The following COL11A2 variants were observed in gnomAD, a reference collection of about 807,000 sequenced individuals.
COL11A2 encodes collagen alpha-2(XI) chain.
COL11A2 carries 116 observed loss-of-function variants against 273.4 expected under a neutral mutation model. The ratio of observed to expected loss-of-function variants is 0.42; its 90% CI spans 0.36 to 0.49. The LOEUF is 0.49. COL11A2 is among the 20% of genes least tolerant of loss of function. The probability of loss-of-function intolerance (pLI) is 0.00; values close to 1 mark genes in which losing one functional copy is unlikely to be tolerated. For missense variants in COL11A2, 1,866 were observed against 2,309.0 expected (o/e 0.81, Z 3.93); for synonymous variants, 782 against 864.2 (o/e 0.90, Z 1.67).
Position 33,163,529 on chromosome 6 carries a change from C to T in COL11A2, c.*149G>A, listed in dbSNP as rs375885398. 8.4e-4 allele frequency: 1,062 copies of T among 1,267,140 alleles called. 10 individuals carry two copies. In the African/African-American group the frequency reaches 0.015, roughly 17 times the overall value. The allele number at this position is 1,267,140 out of a possible 1,614,324, so 78.5% of individuals were successfully genotyped here. On this transcript the variant is annotated 3_prime_UTR_variant, in exon 66 of 66. Transcript: ENST00000341947. The surrounding 1 kb of genome is among the most constrained non-coding windows in gnomAD (Gnocchi z 4.1). ...TGTCCAGGCAACCACTTCACCCCTC[C>T]CCTGGCCTGCCCCGACTGAGGGCTC...
In COL11A2 at chr6:33,178,791, C is replaced by T; in HGVS notation, c.1666-59G>A. On this transcript the variant is annotated intron_variant, in intron 17 of 65. Coordinates refer to ENST00000341947, the MANE Select transcript of COL11A2 (RefSeq NM_080680.3). This position sits in a 1 kb window ranked among gnomAD's most constrained non-coding sequence, Gnocchi z 4.6. The stretch of plus-strand genomic sequence containing the variant: ...CGACCCTGTCCAAGCCCACCCCTCC[C>T]TACTGCACCCTGAGCTGGGGGGGTG... 6.2e-7 allele frequency: 1 copy of T among 1,607,694 alleles called. No individual in the cohort carries two copies. The highest frequency in any genetic ancestry group is 8.5e-7 in the Non-Finnish European group (1 of 1,175,274).
Position 33,166,773 on chromosome 6 carries a change from C to T in COL11A2, c.4285G>A (p.Gly1429Arg). Residue 1429 changes from glycine to arginine, a missense_variant, in exon 59 of 66, where the codon GGA becomes AGA. Coordinates refer to ENST00000341947, the MANE Select transcript of COL11A2 (RefSeq NM_080680.3). The surrounding 1 kb of genome is among the most constrained non-coding windows in gnomAD (Gnocchi z 4.8). ...TGAGGCCCAGGAAGTCCCCGATCTCCCTTCTCTCCCTGCTCACCCGGGGGC... is the reference window on the plus strand; with the variant it reads ...TGAGGCCCAGGAAGTCCCCGATCTCTCTTCTCTCCCTGCTCACCCGGGGGC... Reference protein sequence around the residue: ...IGPPGEQGEKGDRGLPGPQGS... With the variant: ...IGPPGEQGEKRDRGLPGPQGS... The T allele has an allele frequency of 6.2e-7, 1 of 1,613,496 alleles. No individual in the cohort carries two copies. Among genetic ancestry groups the T allele is most frequent in the Non-Finnish European group, 8.5e-7 (1 of 1,180,028 alleles).
chr6:33,163,517 A>T lies in COL11A2; in HGVS notation c.*161T>A. 1 of 1,090,638 alleles carries T rather than the reference A, an allele frequency of 9.2e-7. No homozygotes were observed. The allele number at this position is 1,090,638 out of a possible 1,614,324, so 67.6% of individuals were successfully genotyped here. A position where few individuals can be genotyped will look rare whatever the true frequency, so the allele number is the denominator to read the frequency against. On this transcript the variant is annotated 3_prime_UTR_variant, in exon 66 of 66. Transcript: ENST00000341947. This position sits in a 1 kb window ranked among gnomAD's most constrained non-coding sequence, Gnocchi z 4.1. ...CCTCCCGTGGGGTGTCCAGGCAACC[A>T]CTTCACCCCTCCCCTGGCCTGCCCC... is the stretch of plus-strand genomic sequence containing the variant.
Position 33,189,029 on chromosome 6 carries a change from G to C in COL11A2, c.392C>G (p.Pro131Arg), listed in dbSNP as rs1251720059. The change falls in exon 3 of 66, where the codon CCT (proline) becomes CGT (arginine). Residue 131 changes from proline (P) to arginine (R), a missense_variant. Transcript: ENST00000341947. The surrounding 1 kb of genome is among the most constrained non-coding windows in gnomAD (Gnocchi z 5.6). ...RFLYEDQTGRPQPPSQPVFRG... is the reference protein window; with the variant it reads ...RFLYEDQTGRRQPPSQPVFRG... ...GAAGACTGGCTGAGAGGGAGGTTGA[G>C]GCCGCCCAGTCTGGTCTTCATACAG... The C allele has an allele frequency of 2.5e-6, 4 of 1,614,210 alleles. No individual in the cohort carries two copies. The highest frequency in any genetic ancestry group is 1.3e-5 in the African/African-American group (1 of 75,034).
intron 11 of COL11A2, 138 bp from the exon 12 acceptor site, chr6:33,180,470 G>T (rs1314870784): frequency 2.1e-6 from 2 of 931,848 alleles, no homozygotes; most frequent in Non-Finnish European, 3.3e-6. Context: ...ACCCCCATGG[G>T]GAAAATTGAG....
Position 33,173,475 on chromosome 6 carries a change from GT to G in COL11A2, c.2682+26del. ...GGGAAGAAGGACTCAGAGAAGCGAG[GT>G]GGGTCAGAGCTCGGGGTCAACTTAC... On this transcript the variant is annotated intron_variant, in intron 36 of 65. Coordinates refer to ENST00000341947, the MANE Select transcript of COL11A2 (RefSeq NM_080680.3). This position sits in a 1 kb window ranked among gnomAD's most constrained non-coding sequence, Gnocchi z 6.3. The G allele has an allele frequency of 6.2e-7, 1 of 1,612,264 alleles. No homozygotes were observed. The highest frequency in any genetic ancestry group is 8.5e-7 in the Non-Finnish European group (1 of 1,179,252).
chr6:33,179,007 G>A lies in COL11A2; in HGVS notation c.1612-34C>T. 6.2e-7 allele frequency: 1 copy of A among 1,614,078 alleles called. No individual in the cohort carries two copies. Among genetic ancestry groups the A allele is most frequent in the Non-Finnish European group, 8.5e-7 (1 of 1,179,972 alleles). The stretch of plus-strand genomic sequence containing the variant: ...ACAAGGGAAGTGTCAGAACAAGCAG[G>A]GCCGCAGTCCCCTACCCTGCAGGCC... On this transcript the variant is annotated intron_variant, in intron 16 of 65. Coordinates refer to ENST00000341947, the MANE Select transcript of COL11A2 (RefSeq NM_080680.3). The surrounding 1 kb of genome is among the most constrained non-coding windows in gnomAD (Gnocchi z 6.4).
rs1583312629 is a variant in COL11A2 at position 33,171,716 on chromosome 6, G to A, written c.3147C>T (p.Val1049=). 1 of 1,612,764 alleles carries A rather than the reference G, an allele frequency of 6.2e-7. No homozygotes were observed. The highest frequency in any genetic ancestry group is 8.5e-7 in the Non-Finnish European group (1 of 1,179,890). ...TCCCCAATACCCCCACACTCACTGG[G>A]ACACCTTTCTCTCCTGCTGCTCCAG... ...GPPGAAGEKG[V]PGEKGPIGPT... Residue 1049 remains valine (V), a synonymous_variant, in exon 42 of 66, where the codon GTC becomes GTT. Coordinates refer to ENST00000341947, the MANE Select transcript of COL11A2 (RefSeq NM_080680.3).
chr6:33,169,545 G>A lies in COL11A2; in HGVS notation c.3691-55C>T. The A allele has an allele frequency of 6.5e-7, 1 of 1,537,720 alleles. No individual in the cohort carries two copies. Among genetic ancestry groups the A allele is most frequent in the Non-Finnish European group, 9.0e-7 (1 of 1,114,680 alleles). On this transcript the variant is annotated intron_variant, in intron 50 of 65. Coordinates refer to ENST00000341947, the MANE Select transcript of COL11A2 (RefSeq NM_080680.3). This position sits in a 1 kb window ranked among gnomAD's most constrained non-coding sequence, Gnocchi z 5.5. ...CCAGGGAATCTTGAAGATCAGGGATGCAGCCTCTGCTTCCGAGACACCTTC... is the reference window on the plus strand; with the variant it reads ...CCAGGGAATCTTGAAGATCAGGGATACAGCCTCTGCTTCCGAGACACCTTC...
upstream of COL11A2, among the ~76,000 whole-genome samples, chr6:33,193,412 G>A: frequency 9.8e-6 from 1 of 102,076 alleles, no homozygotes; most frequent in African/African-American, 3.9e-5. Flanking sequence ...CCCCAGCCTG[G>A]CACACCCTCT....
rs529200957 is a variant in COL11A2 at position 33,172,231 on chromosome 6, GT to G, written c.2988+57del. On this transcript the variant is annotated intron_variant, in intron 40 of 65. Transcript: ENST00000341947. Reference sequence around the variant, plus strand: ...GGAGGGGGTCAGGGACAGGGTCGGGGTGGGGACTCAGGATGCTTGGTGCTTG... The same window carrying G: ...GGAGGGGGTCAGGGACAGGGTCGGGGGGGGACTCAGGATGCTTGGTGCTTG... The G allele has an allele frequency of 5.1e-3, 7,617 of 1,497,830 alleles. 50 individuals are homozygous for G. Among genetic ancestry groups the G allele is most frequent in the Middle Eastern group, 0.022 (126 of 5,680 alleles). The allele number at this position is 1,497,830 out of a possible 1,614,324, so 92.8% of individuals were successfully genotyped here.
At position 33,165,106 on chromosome 6, in the gene COL11A2, A is replaced by T. The variant is rs1048877927; in HGVS notation, c.4751-142T>A. 7 of 679,682 alleles carry T rather than the reference A, an allele frequency of 1.0e-5. No homozygotes were observed. In the African/African-American group the frequency reaches 1.1e-4, roughly 10 times the overall value. The allele number at this position is 679,682 out of a possible 1,614,324, so 42.1% of individuals were successfully genotyped here. ...GTCCTCCTCCCTCCCAGAGCCCTAG[A>T]ATCTAGCCCTACTGCTGGATTCTAC... On this transcript the variant is annotated intron_variant, in intron 63 of 65. Coordinates refer to ENST00000341947, the MANE Select transcript of COL11A2 (RefSeq NM_080680.3). This position sits in a 1 kb window ranked among gnomAD's most constrained non-coding sequence, Gnocchi z 7.7.
At position 33,173,058 on chromosome 6, in the gene COL11A2, A is replaced by G; in HGVS notation, c.2790+2T>C. On this transcript the variant is annotated splice_donor_variant, in intron 38 of 65. Coordinates refer to ENST00000341947, the MANE Select transcript of COL11A2 (RefSeq NM_080680.3). LOFTEE classifies it high-confidence loss of function. This position sits in a 1 kb window ranked among gnomAD's most constrained non-coding sequence, Gnocchi z 6.3. ...TCCATTCTCTCCTAGGGACAAACCT[A>G]CCTGAGGTCCCACCACTCCTGGAGG... The G allele has an allele frequency of 6.2e-7, 1 of 1,612,374 alleles. No individual in the cohort carries two copies.
In COL11A2 at chr6:33,177,224, C is replaced by A; in HGVS notation, c.1973G>T (p.Gly658Val). ...GATGGCACCCTGGGGCCCGGGAAGA[C>A]CCTACATACAGGGAAAGAGAAGTCA... ...PGQQGTPGTQ[G>V]LPGPQGAIGP... is the part of the protein sequence containing the mutation. Residue 658 changes from glycine (G) to valine (V), a missense_variant and splice_region_variant, in exon 24 of 66, where the codon GGT becomes GTT. Coordinates refer to ENST00000341947, the MANE Select transcript of COL11A2 (RefSeq NM_080680.3). The surrounding 1 kb of genome is among the most constrained non-coding windows in gnomAD (Gnocchi z 5.9). 6.2e-7 allele frequency: 1 copy of A among 1,613,064 alleles called. No homozygotes were observed. The highest frequency in any genetic ancestry group is 1.3e-5 in the African/African-American group (1 of 75,052).
intron 31 of COL11A2, 140 bp from the exon 32 acceptor site, chr6:33,174,358 A>G (rs1199764664): frequency 6.4e-6 from 9 of 1,397,214 alleles, no homozygotes; most frequent in Non-Finnish European, 7.9e-6. Context: ...GCCTTGGACA[A>G]ACCCCTGCTG....
At position 33,164,242 on chromosome 6, in the gene COL11A2, C is replaced by T. The variant is rs1424604139; in HGVS notation, c.5070+25G>A. ...TCCAGCCTGAGTCTGAGATCAGCCCCCAACCCAGCTCTTCCTGTTCCCACC... is the reference window on the plus strand; with the variant it reads ...TCCAGCCTGAGTCTGAGATCAGCCCTCAACCCAGCTCTTCCTGTTCCCACC... On this transcript the variant is annotated intron_variant, in intron 65 of 65. Coordinates refer to ENST00000341947, the MANE Select transcript of COL11A2 (RefSeq NM_080680.3). This position sits in a 1 kb window ranked among gnomAD's most constrained non-coding sequence, Gnocchi z 4.7. 6.2e-7 allele frequency: 1 copy of T among 1,612,276 alleles called. No homozygotes were observed. The highest frequency in any genetic ancestry group is 8.5e-7 in the Non-Finnish European group (1 of 1,179,708).
chr6:33,192,350 G>T lies in COL11A2; in HGVS notation c.-110C>A. On this transcript the variant is annotated 5_prime_UTR_variant, in exon 1 of 66. Coordinates refer to ENST00000341947, the MANE Select transcript of COL11A2 (RefSeq NM_080680.3). Reference sequence around the variant, plus strand: ...CAGACTATGAGCCTCAGACGCCGGGGTCCCAGGGAGGTCAGAGGCTGCGGG... The same window carrying T: ...CAGACTATGAGCCTCAGACGCCGGGTTCCCAGGGAGGTCAGAGGCTGCGGG... 1.8e-6 allele frequency: 2 copies of T among 1,102,942 alleles called. No individual in the cohort carries two copies. The highest frequency in any genetic ancestry group is 2.7e-5 in the South Asian group (2 of 75,290). The allele number at this position is 1,102,942 out of a possible 1,614,324, so 68.3% of individuals were successfully genotyped here.
intron 42 of COL11A2, 66 bp from the exon 43 acceptor site, chr6:33,171,640 A>G: frequency 1.3e-6 from 2 of 1,599,386 alleles, no homozygotes; most frequent in African/African-American, 2.7e-5. Context: ...CCCACAGGAA[A>G]CTTGTCATAG....
rs1310390555 is a variant in COL11A2 at position 33,179,188 on chromosome 6, G to A, written c.1557+43C>T. 1 of 1,611,712 alleles carries A rather than the reference G, an allele frequency of 6.2e-7. No homozygotes were observed. Among genetic ancestry groups the A allele is most frequent in the Admixed American group, 1.7e-5 (1 of 59,566 alleles). ...TAGGGAGGGGAGTGAGGGAGACTGA[G>A]CTGGTGAACAGATATGGGGGTGCAG... On this transcript the variant is annotated intron_variant, in intron 15 of 65. Coordinates refer to ENST00000341947, the MANE Select transcript of COL11A2 (RefSeq NM_080680.3). This position sits in a 1 kb window ranked among gnomAD's most constrained non-coding sequence, Gnocchi z 6.4.
Sources: allele counts gnomAD v4.1 joint callset (sites outside exome capture counted in the v4.1 genomes callset), GRCh38; gene constraint gnomAD v4.1.1; non-coding constraint Gnocchi (gnomAD v3.1); transcripts MANE v1.5; gene names NCBI Gene and HGNC (gene_info 2026-07-23, HGNC 2026-07-21).